NFE2L3: variants seen among roughly 807,000 people sequenced by gnomAD.
NFE2L3 encodes the protein NFE2 like bZIP transcription factor 3.
In NFE2L3, 18 loss-of-function variants were observed where a neutral mutation model predicts 23.5. The ratio of observed to expected loss-of-function variants is 0.77; its 90% CI spans 0.53 to 1.13. The LOEUF (loss-of-function observed/expected upper bound fraction) is 1.13. Among genes scored for constraint, NFE2L3 ranks in the 50% most tolerant of loss-of-function variants. NFE2L3 has a pLI of 0.00. For missense variants in NFE2L3, 1,152 were observed against 877.2 expected, an observed-to-expected ratio of 1.31 and a Z score of -3.96; for synonymous variants, 424 against 354.5, an observed-to-expected ratio of 1.20 and a Z score of -2.20.
intron 1 of NFE2L3, among the ~76,000 whole-genome samples, chr7:26,165,247 C>T (rs1784230151): frequency 6.6e-6 from 1 of 151,352 alleles, no homozygotes; most frequent in South Asian, 2.1e-4. Context: ...GGCAGTATGG[C>T]CATTTTCACG....
At chr7:26,178,648 T>C in intron 2 of NFE2L3, among the ~76,000 whole-genome samples, 1 of 152,164 alleles carries the variant, frequency 6.6e-6, no homozygotes, top group East Asian at 1.9e-4. Context: ...ACCTTACTCT[T>C]TGGCTGTGAG....
At chr7:26,164,228 C>T (rs1784213607) in intron 1 of NFE2L3, among the ~76,000 whole-genome samples, 1 of 152,140 alleles carries the variant, frequency 6.6e-6, no homozygotes, top group Admixed American at 6.5e-5. Context: ...TGAGGAATCG[C>T]CACACTGACT....
At position 26,185,835 on chromosome 7, in the gene NFE2L3, GATT is replaced by G. The variant is rs762079324; in HGVS notation, c.*56_*58del. 1.1e-5 allele frequency: 16 copies of G among 1,398,202 alleles called. No homozygotes were observed. Among genetic ancestry groups the G allele is most frequent in the Middle Eastern group, 1.9e-4 (1 of 5,280 alleles). The allele number at this position is 1,398,202 out of a possible 1,614,324, so 86.6% of individuals were successfully genotyped here. ...TGTGAAGTAGTAATGTTCAGAAACT[GATT>G]ATTTGGATCAGAAACCATTGAAACT... On this transcript the variant is annotated 3_prime_UTR_variant, in exon 4 of 4. Coordinates refer to ENST00000056233, the MANE Select transcript of NFE2L3 (RefSeq NM_004289.7).
At chr7:26,163,589 C>T (rs113067327) in intron 1 of NFE2L3, among the ~76,000 whole-genome samples, 16 of 152,254 alleles carry the variant, frequency 1.1e-4, no homozygotes, top group African/African-American at 3.6e-4. Context: ...TCAGGTGATC[C>T]GCCCACCTCA....
intron 1 of NFE2L3, among the ~76,000 whole-genome samples, chr7:26,170,227 T>C (rs1261801217): frequency 6.6e-6 from 1 of 152,194 alleles, no homozygotes; most frequent in African/African-American, 2.4e-5. Context: ...CAGGTCTTGG[T>C]GTCTTCCTCT....
At chr7:26,182,682 A>G (rs1245384095) in intron 2 of NFE2L3, among the ~76,000 whole-genome samples, 1 of 152,064 alleles carries the variant, frequency 6.6e-6, no homozygotes, top group Non-Finnish European at 1.5e-5. Context: ...TCTAAAAAGA[A>G]CTCTGAAGAG....
rs1268255159 is a variant in NFE2L3, at chr7:26,184,125, G to C, written c.834+341G>C. 1.7e-5 allele frequency: 6 copies of C among 354,060 alleles called. No individual in the cohort carries two copies. In the East Asian group the frequency reaches 3.6e-4, roughly 21 times the overall value. 21.9% of individuals were successfully genotyped at this position (354,060 alleles called of 1,614,324 possible). ...CAGCAATATTCACAATAGCCTTGTA[G>C]TTTTAGCGCTTAGAGGCATTTAAAC... On this transcript the variant is annotated intron_variant, in intron 3 of 3. Coordinates refer to ENST00000056233, the MANE Select transcript of NFE2L3 (RefSeq NM_004289.7).
Position 26,185,363 on chromosome 7 carries a change from C to T in NFE2L3, c.1665C>T (p.Val555=), listed in dbSNP as rs759689962. The T allele has an allele frequency of 3.7e-6, 6 of 1,613,924 alleles. No individual in the cohort carries two copies. The highest frequency in any genetic ancestry group is 2.2e-5 in the East Asian group (1 of 44,892). ...LHIPFSVDEI[V]GMPVDSFNSM... The stretch of plus-strand genomic sequence containing the variant: ...TCCCTTTTTCTGTAGATGAAATTGT[C>T]GGCATGCCTGTTGATTCTTTCAATA... The change falls in exon 4 of 4, where the codon GTC becomes GTT. Residue 555 remains valine, a synonymous_variant. Transcript: ENST00000056233.
intron 1 of NFE2L3, among the ~76,000 whole-genome samples, chr7:26,176,177 G>A (rs1784402500): frequency 1.3e-5 from 2 of 152,272 alleles, no homozygotes; most frequent in South Asian, 4.1e-4. Flanking sequence ...GGGGTTGGGA[G>A]TAAGGTTATA....
At chr7:26,163,100 A>G (rs1784197248) in intron 1 of NFE2L3, among the ~76,000 whole-genome samples, 1 of 152,134 alleles carries the variant, frequency 6.6e-6, no homozygotes, top group South Asian at 2.1e-4. Flanking sequence ...TTACCAATTC[A>G]TGGCCGGTCA....
chr7:26,178,681 C>A (rs2128099654), intron 2 of NFE2L3, among the ~76,000 whole-genome samples: 3 of 152,272 alleles, frequency 2.0e-5, no homozygotes, highest in South Asian at 2.1e-4. Context: ...AAGATGAACT[C>A]CCGGAGCCAG....
chr7:26,185,433 A>ATGTC lies in NFE2L3; in HGVS notation c.1736_1737insGTCT (p.Ile579MetfsTer4). 1 of 1,614,192 alleles carries ATGTC rather than the reference A, an allele frequency of 6.2e-7. No individual in the cohort carries two copies. The highest frequency in any genetic ancestry group is 8.5e-7 in the Non-Finnish European group (1 of 1,179,986). ...TCTGACAGACCTACAAGTCTCACTT[A>ATGTC]TCCGTGACATCAGACGAAGAGGGAA... On this transcript the variant is annotated frameshift_variant, in exon 4 of 4. Coordinates refer to ENST00000056233, the MANE Select transcript of NFE2L3 (RefSeq NM_004289.7). LOFTEE classifies it low-confidence loss of function (END_TRUNC).
chr7:26,156,755 T>C (rs923446539), intron 1 of NFE2L3, among the ~76,000 whole-genome samples: 2 of 152,218 alleles, frequency 1.3e-5, no homozygotes, highest in African/African-American at 4.8e-5. Flanking sequence ...TTTCCTATCC[T>C]GGTACAGAGA....
chr7:26,152,576 C>A lies in NFE2L3; in HGVS notation c.78C>A (p.Leu26=). 6.5e-7 allele frequency: 1 copy of A among 1,534,068 alleles called. No homozygotes were observed. Among genetic ancestry groups the A allele is most frequent in the Non-Finnish European group, 8.7e-7 (1 of 1,150,166 alleles). The change falls in exon 1 of 4, where the codon CTC becomes CTA. Residue 26 remains leucine, a synonymous_variant. Coordinates refer to ENST00000056233, the MANE Select transcript of NFE2L3 (RefSeq NM_004289.7). The surrounding 1 kb of genome is among the most constrained non-coding windows in gnomAD (Gnocchi z 4.4). The stretch of plus-strand genomic sequence containing the variant: ...CCCTCCTGCTGAGCTTGGCGGGGCT[C>A]CGCGTAGACCTAGATCTTTACCTGC... The part of the protein sequence containing the change: ...HLTLLLSLAG[L]RVDLDLYLLL...
Position 26,152,346 on chromosome 7 carries a change from C to G in NFE2L3, c.-153C>G. The G allele has an allele frequency of 2.4e-6, 1 of 424,852 alleles. No individual in the cohort carries two copies. Among genetic ancestry groups the G allele is most frequent in the Non-Finnish European group, 3.6e-6 (1 of 280,108 alleles). The allele number at this position is 424,852 out of a possible 1,614,324, so 26.3% of individuals were successfully genotyped here. A position where few individuals can be genotyped will look rare whatever the true frequency, so the allele number is the denominator to read the frequency against. On this transcript the variant is annotated 5_prime_UTR_variant, in exon 1 of 4. Transcript: ENST00000056233. This position sits in a 1 kb window ranked among gnomAD's most constrained non-coding sequence, Gnocchi z 4.4. ...GCCTTTGTGCCCGGTGCTGGGAACC[C>G]GCGACGGCCGCCACGCGCCCCGGTC...
Position 26,183,696 on chromosome 7 carries a change from T to C in NFE2L3, c.751-5T>C, listed in dbSNP as rs375988436. 4 of 1,597,248 alleles carry C rather than the reference T, an allele frequency of 2.5e-6. No individual in the cohort carries two copies. In the East Asian group the frequency reaches 6.7e-5, roughly 27 times the overall value. The stretch of plus-strand genomic sequence containing the variant: ...GAAAGATGCACTTTTTGTGTTTCTC[T>C]ACAGAGACATCTGAATGGGACAGAT... On this transcript the variant is annotated splice_region_variant and splice_polypyrimidine_tract_variant and intron_variant, in intron 2 of 3. Transcript: ENST00000056233.
In NFE2L3 at chr7:26,184,639, A is replaced by C. The variant is rs1286484632; in HGVS notation, c.941A>C (p.Asn314Thr). 1.9e-6 allele frequency: 3 copies of C among 1,613,926 alleles called. No homozygotes were observed. Among genetic ancestry groups the C allele is most frequent in the South Asian group, 1.1e-5 (1 of 91,076 alleles). Reference protein sequence around the residue: ...NFSQAISQDVNLHEAILLCPN... With the variant: ...NFSQAISQDVTLHEAILLCPN... ...AGCCAGGCTATAAGTCAGGATGTGA[A>C]TCTTCATGAGGCCATCTTGCTTTGT... Residue 314 changes from asparagine to threonine, a missense_variant, in exon 4 of 4, where the codon AAT becomes ACT. Physicochemically the swap from Asn to Thr is moderately conservative, Grantham distance 65. Transcript: ENST00000056233.
rs1310314077 is a variant in NFE2L3 at position 26,184,566 on chromosome 7, A to C, written c.868A>C (p.Ser290Arg). The C allele has an allele frequency of 6.2e-7, 1 of 1,613,404 alleles. No individual in the cohort carries two copies. The highest frequency in any genetic ancestry group is 8.5e-7 in the Non-Finnish European group (1 of 1,179,572). ...ISLGDIPLPG[S>R]ISDGMNSSAH... ...ATTGGGAGATATTCCTCTTCCAGGC[A>C]GTATCAGTGATGGCATGAATTCTTC... is the stretch of plus-strand genomic sequence containing the variant. Residue 290 changes from serine to arginine, a missense_variant, in exon 4 of 4, where the codon AGT (serine) becomes CGT (arginine). By Grantham distance (110) the Ser-to-Arg change is moderately radical. Transcript: ENST00000056233.
chr7:26,168,000 C>T (rs1209378005), intron 1 of NFE2L3, among the ~76,000 whole-genome samples: 1 of 151,832 alleles, frequency 6.6e-6, no homozygotes, highest in African/African-American at 2.4e-5. Flanking sequence ...TCTTTAGTGG[C>T]GATTTGTGAG....
Sources: allele counts gnomAD v4.1 joint callset (sites outside exome capture counted in the v4.1 genomes callset), GRCh38; gene constraint gnomAD v4.1.1; non-coding constraint Gnocchi (gnomAD v3.1); transcripts MANE v1.5; gene names NCBI Gene and HGNC (gene_info 2026-07-23, HGNC 2026-07-21).